UGT1A3: variants seen among roughly 807,000 people sequenced by gnomAD.
The protein encoded by UGT1A3 is UDP glucuronosyltransferase family 1 member A3.
In UGT1A3, 31 loss-of-function variants were observed where a neutral mutation model predicts 41.0. The observed-to-expected ratio is 0.76, with a 90% confidence interval of 0.57 to 1.02. The LOEUF is 1.02. Among genes scored for constraint, UGT1A3 ranks in the 50% least tolerant of loss-of-function variants. UGT1A3 has a pLI of 0.00. For missense variants in UGT1A3, 737 were observed against 671.0 expected, an observed-to-expected ratio of 1.10 and a Z score of -1.09; for synonymous variants, 262 against 257.6, an observed-to-expected ratio of 1.02 and a Z score of -0.17.
intron 1 of UGT1A3, chr2:233,743,038 A>G (rs968490640): frequency 1.2e-4 from 34 of 283,020 alleles, no homozygotes; most frequent in Non-Finnish European, 2.1e-5. Context: ...CAGAGGTCCT[A>G]TCCGTGTAGT....
At chr2:233,763,963 A>G (rs1698440106) in intron 1 of UGT1A3, among the ~76,000 whole-genome samples, 1 of 152,196 alleles carries the variant, frequency 6.6e-6, no homozygotes, top group Non-Finnish European at 1.5e-5. Flanking sequence ...GAAGGTTGAG[A>G]TATATGTGGG....
At chr2:233,747,365 C>A (rs954513567) in intron 1 of UGT1A3, 2 of 1,604,254 alleles carry the variant, frequency 1.2e-6, no homozygotes, top group East Asian at 4.5e-5. Context: ...TGCGGGAGCT[C>A]CATGCCAGAG....
At chr2:233,746,657 G>T (rs4663333) in intron 1 of UGT1A3, among the ~76,000 whole-genome samples, 82,861 of 151,208 alleles carry the variant, frequency 0.55, 24,907 homozygotes, top group African/African-American at 0.8. Flanking sequence ...TTTCTGTCCC[G>T]AGTTCCTAGC....
chr2:233,744,318 TG>T (rs1692773667), intron 1 of UGT1A3, among the ~76,000 whole-genome samples: 2 of 151,754 alleles, frequency 1.3e-5, no homozygotes, highest in Admixed American at 1.3e-4. Flanking sequence ...AAGAGGGTGG[TG>T]GGAGTGAGTT....
At chr2:233,735,436 C>T (rs1234543811) in intron 1 of UGT1A3, among the ~76,000 whole-genome samples, 1 of 152,154 alleles carries the variant, frequency 6.6e-6, no homozygotes, top group Non-Finnish European at 1.5e-5. Flanking sequence ...CTGAATACAG[C>T]ATACCGATGG....
In UGT1A3 at chr2:233,761,113, G is replaced by C. The variant is rs72551345; in HGVS notation, c.868-5921G>C. 5.6e-6 allele frequency: 9 copies of C among 1,614,106 alleles called. No homozygotes were observed. In the South Asian group the frequency reaches 9.9e-5, roughly 18 times the overall value. ...CATCATGCCCAATATGGTTTTTGTT[G>C]GTGGAATCAACTGCCTTCACCAAAA... On this transcript the variant is annotated intron_variant, in intron 1 of 4. Coordinates refer to ENST00000482026, the MANE Select transcript of UGT1A3 (RefSeq NM_019093.4).
At chr2:233,751,110 CCA>C (rs1235610368) in intron 1 of UGT1A3, among the ~76,000 whole-genome samples, 2 of 151,964 alleles carry the variant, frequency 1.3e-5, no homozygotes, top group African/African-American at 4.9e-5. Flanking sequence ...GCCCTGCAAG[CCA>C]CAGTGTCCAA....
intron 1 of UGT1A3, among the ~76,000 whole-genome samples, chr2:233,751,493 G>C (rs545881478): frequency 3.2e-4 from 48 of 152,200 alleles, no homozygotes; most frequent in Non-Finnish European, 6.2e-4. Context: ...AAAGACATGA[G>C]ATTTGGGAGG....
Position 233,769,941 on chromosome 2 carries a change from T to G in UGT1A3, c.1307+1502T>G. 1 of 227,092 alleles carries G rather than the reference T, an allele frequency of 4.4e-6. No individual in the cohort carries two copies. The highest frequency in any genetic ancestry group is 9.8e-5 in the East Asian group (1 of 10,154). 14.1% of individuals were successfully genotyped at this position (227,092 alleles called of 1,614,324 possible). On this transcript the variant is annotated intron_variant, in intron 4 of 4. Transcript: ENST00000482026. This position sits in a 1 kb window ranked among gnomAD's most constrained non-coding sequence, Gnocchi z 4.4. ...TGGGTGGTGTGGTCCCATTCCTTCC[T>G]TCCAGCGGCTTCTTCTGGCCACCTC...
chr2:233,755,205 G>A, intron 1 of UGT1A3: 1 of 1,079,938 alleles, frequency 9.3e-7, no homozygotes, highest in Non-Finnish European at 1.3e-6. Flanking sequence ...CTTGCGGTAC[G>A]CCTTCTTGAT....
intron 1 of UGT1A3, among the ~76,000 whole-genome samples, chr2:233,766,257 A>AGTGGCCCGGGCTCG (rs36213637): frequency 2.6e-5 from 4 of 151,512 alleles, no homozygotes; most frequent in African/African-American, 4.9e-5. Context: ...CAGACCGCTC[A>AGTGGCCCGGGCTCG]GTGGCCCGGG....
intron 1 of UGT1A3, chr2:233,747,121 A>G (rs1359670371): frequency 1.4e-6 from 2 of 1,477,058 alleles, no homozygotes; most frequent in African/African-American, 2.8e-5. Flanking sequence ...TGATTTGCTA[A>G]GTGGCTCAGT....
intron 1 of UGT1A3, among the ~76,000 whole-genome samples, chr2:233,750,295 C>T (rs1409213003): frequency 3.3e-5 from 5 of 151,894 alleles, no homozygotes; most frequent in African/African-American, 1.2e-4. Context: ...GCATTTTGCC[C>T]CTGCCCTAGA....
chr2:233,760,609 C>T lies in UGT1A3; in HGVS notation c.868-6425C>T, dbSNP rs587784538. 50 of 1,614,060 alleles carry T rather than the reference C, an allele frequency of 3.1e-5. 1 individual carries two copies. The South Asian group carries it at 3.7e-4, about 12-fold the overall frequency. On this transcript the variant is annotated intron_variant, in intron 1 of 4. Transcript: ENST00000482026. Reference sequence around the variant, plus strand: ...TTTTGAGAATGATTCTTTCCTGCAGCGTGTGATCAAAACATACAAGAAAAT... The same window carrying T: ...TTTTGAGAATGATTCTTTCCTGCAGTGTGTGATCAAAACATACAAGAAAAT...
intron 1 of UGT1A3, chr2:233,747,857 C>G: frequency 6.2e-7 from 1 of 1,613,516 alleles, no homozygotes. Flanking sequence ...AGAACATGCT[C>G]TACCCTCTGG....
intron 1 of UGT1A3, 88 bp downstream of exon 1, chr2:233,730,081 C>G: frequency 1.2e-6 from 2 of 1,603,798 alleles, no homozygotes; most frequent in Non-Finnish European, 8.5e-7. Context: ...TCCATATTTA[C>G]TTATCTTTCC....
intron 1 of UGT1A3, chr2:233,760,589 A>T: frequency 6.2e-7 from 1 of 1,614,196 alleles, no homozygotes; most frequent in South Asian, 1.1e-5. Flanking sequence ...AATGTTTTTG[A>T]GAATGATTCT....
At chr2:233,735,430 A>G (rs2125793200) in intron 1 of UGT1A3, among the ~76,000 whole-genome samples, 1 of 152,196 alleles carries the variant, frequency 6.6e-6, no homozygotes, top group East Asian at 1.9e-4. Context: ...GGCCTCCTGA[A>G]TACAGCATAC....
At chr2:233,745,475 T>C (rs1213140846) in intron 1 of UGT1A3, among the ~76,000 whole-genome samples, 1 of 151,692 alleles carries the variant, frequency 6.6e-6, no homozygotes, top group African/African-American at 2.4e-5. Context: ...GGAAAATGAT[T>C]AACCAAAGAA....
Sources: allele counts gnomAD v4.1 joint callset (sites outside exome capture counted in the v4.1 genomes callset), GRCh38; gene constraint gnomAD v4.1.1; non-coding constraint Gnocchi (gnomAD v3.1); transcripts MANE v1.5; gene names NCBI Gene and HGNC (gene_info 2026-07-23, HGNC 2026-07-21).